The following GRIP1 variants were observed in gnomAD, a reference collection of about 807,000 sequenced individuals.
GRIP1 encodes the protein glutamate receptor-interacting protein 1.
Under a neutral mutation model 129.9 loss-of-function variants are expected in GRIP1, and 45 were observed. The ratio of observed to expected loss-of-function variants is 0.35; its 90% confidence interval spans 0.27 to 0.44. GRIP1 has a LOEUF of 0.44. Among genes scored for constraint, GRIP1 ranks in the 20% least tolerant of loss-of-function variants. The pLI is 1.00. For missense variants in GRIP1, 1,196 were observed against 1,396.8 expected (o/e 0.86, Z 2.29); for synonymous variants, 530 against 520.8 (o/e 1.02, Z -0.24).
At chr12:66,959,433 T>C (rs1458985551) in intron 1 of GRIP1, among the ~76,000 whole-genome samples, 1 of 152,200 alleles carries the variant, frequency 6.6e-6, no homozygotes, top group Non-Finnish European at 1.5e-5. Flanking sequence ...GACACAGTCA[T>C]GAAAGCACAG....
In GRIP1 at chr12:66,497,334, A is replaced by C. The variant is rs143346860; in HGVS notation, c.724+18285T>G. Among the ~76,000 whole-genome samples the C allele has an allele frequency of 5.6e-3, 860 of 152,354 alleles. 7 individuals carry two copies. Among genetic ancestry groups the C allele is most frequent in the African/African-American group, 0.02 (825 of 41,586 alleles). On this transcript the variant is annotated intron_variant, in intron 7 of 24. Coordinates refer to ENST00000359742, the MANE Select transcript of GRIP1 (RefSeq NM_001366722.1). ...ATGTTATGGAAGTTTGTTTTGTCTGAGTAACAGACATTTAGGCTGAGTCTT... is the reference window on the plus strand; with the variant it reads ...ATGTTATGGAAGTTTGTTTTGTCTGCGTAACAGACATTTAGGCTGAGTCTT...
intron 1 of GRIP1, among the ~76,000 whole-genome samples, chr12:66,831,548 T>G (rs2039518576): frequency 6.6e-6 from 1 of 152,208 alleles, no homozygotes; most frequent in African/African-American, 2.4e-5. Context: ...GCTTTATGTG[T>G]GTCCTCACAA....
At chr12:66,846,514 T>A (rs910143753) in intron 1 of GRIP1, among the ~76,000 whole-genome samples, 1 of 152,208 alleles carries the variant, frequency 6.6e-6, no homozygotes, top group African/African-American at 2.4e-5. Flanking sequence ...ATTGTTTTAA[T>A]AGGCTTTACG....
intron 1 of GRIP1, among the ~76,000 whole-genome samples, chr12:66,685,539 G>C (rs1420238987): frequency 2.6e-5 from 4 of 152,126 alleles, no homozygotes; most frequent in Admixed American, 2.6e-4. Flanking sequence ...GACTAAAGCT[G>C]TCTTAAAAGA....
At chr12:66,838,108 C>A (rs1271653129) in intron 1 of GRIP1, among the ~76,000 whole-genome samples, 1 of 151,350 alleles carries the variant, frequency 6.6e-6, no homozygotes. Context: ...ATCGCTTGAA[C>A]CCGGAAGGCA....
At chr12:66,421,436 T>C (rs1407325184) in intron 14 of GRIP1, among the ~76,000 whole-genome samples, 1 of 152,124 alleles carries the variant, frequency 6.6e-6, no homozygotes, top group Non-Finnish European at 1.5e-5. Context: ...TCCAGCTACT[T>C]GGGAGACTGA....
intron 1 of GRIP1, among the ~76,000 whole-genome samples, chr12:67,028,751 G>T (rs2042976304): frequency 6.6e-6 from 1 of 152,014 alleles, no homozygotes; most frequent in African/African-American, 2.4e-5. Flanking sequence ...AATCCCTGTG[G>T]TAACTGTATA....
At chr12:66,504,173 A>T (rs1220299057) in intron 7 of GRIP1, among the ~76,000 whole-genome samples, 10 of 152,196 alleles carry the variant, frequency 6.6e-5, no homozygotes, top group Non-Finnish European at 1.5e-4. Context: ...ATGTCGAATT[A>T]CTAAGAGTAA....
At chr12:67,063,406 C>T (rs369512060) in intron 1 of GRIP1, among the ~76,000 whole-genome samples, 3 of 152,150 alleles carry the variant, frequency 2.0e-5, no homozygotes, top group Admixed American at 1.3e-4. Context: ...CTGATAGCAC[C>T]CTTTGGCCAC....
Position 66,443,428 on chromosome 12 carries a change from A to AT in GRIP1, c.1687+1155dup, listed in dbSNP as rs1284151142. On this transcript the variant is annotated intron_variant, in intron 13 of 24. Transcript: ENST00000359742. ...TTCAATCTCCCTCCCCTACCGCAAT[A>AT]TTTTTTTTTTCTTTTCTCTTTCTTT... Among the ~76,000 whole-genome samples, 515 of 147,506 alleles carry AT rather than the reference A, an allele frequency of 3.5e-3. 7 individuals carry two copies. The highest frequency in any genetic ancestry group is 0.012 in the African/African-American group (475 of 40,100).
chr12:66,984,991 T>G (rs1041862865), intron 1 of GRIP1, among the ~76,000 whole-genome samples: 1 of 152,188 alleles, frequency 6.6e-6, no homozygotes, highest in Non-Finnish European at 1.5e-5. Context: ...GAAAGGTGGT[T>G]CTATGCCTTA....
At chr12:66,831,042 T>C (rs2039507715) in intron 1 of GRIP1, among the ~76,000 whole-genome samples, 1 of 152,014 alleles carries the variant, frequency 6.6e-6, no homozygotes, top group African/African-American at 2.4e-5. Flanking sequence ...AGATGCGGTC[T>C]CACTGTTTTC....
In GRIP1 at chr12:66,368,315, T is replaced by C. The variant is rs146876293; in HGVS notation, c.3012+3379A>G. Among the ~76,000 whole-genome samples the C allele has an allele frequency of 8.8e-4, 134 of 152,312 alleles. 1 individual carries two copies. The highest frequency in any genetic ancestry group is 3.4e-3 in the Middle Eastern group (1 of 294). ...GTTCATATTATCTTGATCCAACTTATAGTGAAAATAATAAGGTTTAACAGG... is the reference window on the plus strand; with the variant it reads ...GTTCATATTATCTTGATCCAACTTACAGTGAAAATAATAAGGTTTAACAGG... On this transcript the variant is annotated intron_variant, in intron 23 of 24. Coordinates refer to ENST00000359742, the MANE Select transcript of GRIP1 (RefSeq NM_001366722.1).
chr12:66,353,606 G>A (rs1565657757), intron 23 of GRIP1, 43 bp from the exon 24 acceptor site: 24 of 1,582,540 alleles, frequency 1.5e-5, no homozygotes, highest in Non-Finnish European at 2.1e-5. Flanking sequence ...CTGGGGTGGA[G>A]ACTTTTCCTT....
chr12:66,961,759 T>C (rs1240998981), intron 1 of GRIP1, among the ~76,000 whole-genome samples: 2 of 152,162 alleles, frequency 1.3e-5, no homozygotes, highest in African/African-American at 4.8e-5. Flanking sequence ...CTAAGCTCCA[T>C]GAGGGCAAGT....
At chr12:66,398,776 A>G (rs2056883355) in intron 16 of GRIP1, among the ~76,000 whole-genome samples, 1 of 152,050 alleles carries the variant, frequency 6.6e-6, no homozygotes, top group African/African-American at 2.4e-5. Context: ...CTATTATAAT[A>G]TAATATCCAA....
intron 1 of GRIP1, among the ~76,000 whole-genome samples, chr12:67,042,734 G>A (rs2043198361): frequency 6.6e-6 from 1 of 152,192 alleles, no homozygotes; most frequent in Non-Finnish European, 1.5e-5. Context: ...AACAGTACCA[G>A]ATTAGAAGCA....
intron 1 of GRIP1, among the ~76,000 whole-genome samples, chr12:66,821,555 TA>T (rs754061389): frequency 2.6e-5 from 4 of 152,008 alleles, no homozygotes; most frequent in Admixed American, 6.6e-5. Context: ...GCTGCAAAGA[TA>T]AAAAAAAGTC....
intron 1 of GRIP1, among the ~76,000 whole-genome samples, chr12:66,600,821 C>T (rs192253673): frequency 6.6e-5 from 10 of 152,312 alleles, no homozygotes; most frequent in African/African-American, 9.6e-5. Flanking sequence ...AAAGTCACTA[C>T]GGGGCAAAGC....
Sources: gnomAD v4.1 joint callset for allele counts (sites outside exome capture counted in the v4.1 genomes callset) on GRCh38, gnomAD v4.1.1 for gene constraint, MANE v1.5 for transcripts, NCBI Gene and HGNC (gene_info 2026-07-23, HGNC 2026-07-21) for gene names.